Variants in TENM1 observed in about 807,000 individuals in gnomAD.
TENM1 encodes the protein teneurin transmembrane protein 1, also known as teneurin-1.
In TENM1, 35 loss-of-function variants were observed where a neutral mutation model predicts 174.8. The ratio of observed to expected loss-of-function variants is 0.20; its 90% confidence interval spans 0.15 to 0.27. TENM1 has a LOEUF of 0.27. Among genes scored for constraint, TENM1 ranks in the 10% least tolerant of loss-of-function variants. TENM1 has a pLI of 1.00. For synonymous variants in TENM1, 781 were observed against 798.7 expected (o/e 0.98, Z 0.37); for missense variants, 1,633 against 2,130.1 (o/e 0.77, Z 4.59).
intron 3 of TENM1, among the ~76,000 whole-genome samples, chrX:124,738,071 T>C (rs1033317205): frequency 3.6e-5 from 4 of 111,900 alleles, no homozygotes; most frequent in East Asian, 5.6e-4. Flanking sequence ...CCATGAGAAA[T>C]ACCTCAATTA....
At position 124,677,236 on chromosome X, in the gene TENM1, A is replaced by T. The variant is rs953625528; in HGVS notation, c.1016-5401T>A. Among the ~76,000 whole-genome samples the T allele has an allele frequency of 6.3e-5, 7 of 111,066 alleles. 1 individual carries two copies. The highest frequency in any genetic ancestry group is 1.1e-4 in the Non-Finnish European group (6 of 52,812). On this transcript the variant is annotated intron_variant, in intron 5 of 31. Transcript: ENST00000422452. ...GCAGTGATGATCTTGGACTACCTAC[A>T]TTTCACAAAGAGATATGATGTTTCT... is the stretch of plus-strand genomic sequence containing the variant.
intron 11 of TENM1, among the ~76,000 whole-genome samples, chrX:124,632,970 C>T (rs184994084): frequency 1.8e-5 from 2 of 111,982 alleles, no homozygotes; most frequent in African/African-American, 3.2e-5. Flanking sequence ...AGCCTTTCTA[C>T]TTTATCCTCC....
At chrX:125,051,902 C>A in the TENM1 span, among the ~76,000 whole-genome samples, 1 of 106,692 alleles carries the variant, frequency 9.4e-6, no homozygotes, top group African/African-American at 3.5e-5. Flanking sequence ...TCAGAGTGAA[C>A]AGGCAACCTA....
chrX:124,615,040 T>C (rs773653980), intron 11 of TENM1, among the ~76,000 whole-genome samples: 3 of 112,376 alleles, frequency 2.7e-5, no homozygotes, highest in South Asian at 3.7e-4. Flanking sequence ...CTAGAAGCCA[T>C]CTTCTCAACA....
At chrX:125,041,666 T>C in the TENM1 span, among the ~76,000 whole-genome samples, 1 of 112,205 alleles carries the variant, frequency 8.9e-6, no homozygotes, top group African/African-American at 3.2e-5. Flanking sequence ...AAGGAATAAA[T>C]GTGAGTGTAC....
chrX:124,384,415 A>G, exon 30 of TENM1: 2 of 1,210,982 alleles, frequency 1.7e-6, no homozygotes, highest in Non-Finnish European at 2.2e-6. Flanking sequence ...GGGTTTTGTC[A>G]TTTACAGAAA....
chrX:125,200,630 CGTGT>C, the TENM1 span, among the ~76,000 whole-genome samples: 7 of 92,284 alleles, frequency 7.6e-5, no homozygotes, highest in African/African-American at 1.7e-4. Flanking sequence ...CAATTGCTTC[CGTGT>C]GTGTGTGTGT....
At chrX:124,699,433 C>T (rs969675371) in intron 5 of TENM1, among the ~76,000 whole-genome samples, 5 of 110,781 alleles carry the variant, frequency 4.5e-5, no homozygotes, top group Non-Finnish European at 7.6e-5. Flanking sequence ...AGAGTGATTG[C>T]CTCTCCTTGA....
At chrX:124,565,534 G>A (rs749994501) in exon 12 of TENM1, 3 of 1,206,293 alleles carry the variant, frequency 2.5e-6, no homozygotes, top group East Asian at 3.0e-5. Context: ...CAGACTCCAT[G>A]GCTACCACAC....
At chrX:124,601,012 T>C (rs1183292376) in intron 11 of TENM1, among the ~76,000 whole-genome samples, 1 of 111,921 alleles carries the variant, frequency 8.9e-6, no homozygotes, top group Non-Finnish European at 1.9e-5. Flanking sequence ...TTTTAGGAAA[T>C]ACACAATAAA....
At chrX:124,575,046 T>C (rs759406039) in intron 11 of TENM1, among the ~76,000 whole-genome samples, 6 of 112,309 alleles carry the variant, frequency 5.3e-5, no homozygotes, top group Admixed American at 3.8e-4. Flanking sequence ...TGCATGCACA[T>C]GCACACATAT....
intron 3 of TENM1, among the ~76,000 whole-genome samples, chrX:124,883,947 CAGGTG>C (rs1434402767): frequency 1.8e-5 from 2 of 111,171 alleles, no homozygotes; most frequent in Admixed American, 9.5e-5. Context: ...GTGGTGCATG[CAGGTG>C]CTGACTGTGG....
At chrX:125,107,383 TCCA>T in the TENM1 span, among the ~76,000 whole-genome samples, 13 of 112,556 alleles carry the variant, frequency 1.2e-4, no homozygotes, top group African/African-American at 4.2e-4. Flanking sequence ...TCCCCCTGAC[TCCA>T]CCAAATTTTA....
At chrX:125,163,171 T>C in the TENM1 span, among the ~76,000 whole-genome samples, 7 of 111,470 alleles carry the variant, frequency 6.3e-5, no homozygotes, top group Non-Finnish European at 3.8e-5. Context: ...TGGACAGAAC[T>C]CAATAGTAGC....
At chrX:124,559,659 C>T (rs975076777) in intron 14 of TENM1, among the ~76,000 whole-genome samples, 4 of 110,227 alleles carry the variant, frequency 3.6e-5, no homozygotes, top group Non-Finnish European at 7.6e-5. Flanking sequence ...CAGAACAAGA[C>T]CCTGTCTCAA....
intron 3 of TENM1, among the ~76,000 whole-genome samples, chrX:124,882,318 ATG>A (rs975015425): frequency 3.6e-5 from 4 of 111,816 alleles, no homozygotes; most frequent in African/African-American, 1.3e-4. Context: ...GATAAGAAGA[ATG>A]TGTATTCTGT....
exon 32 of TENM1, chrX:124,375,999 A>G (rs1271737200): frequency 8.9e-6 from 1 of 112,847 alleles, no homozygotes; most frequent in African/African-American, 3.2e-5. Context: ...TATTTACAGC[A>G]TGTTGTTGTG....
At chrX:124,616,024 C>T (rs751258750) in intron 11 of TENM1, among the ~76,000 whole-genome samples, 67 of 112,938 alleles carry the variant, frequency 5.9e-4, no homozygotes, top group African/African-American at 2.1e-3. Context: ...ATCCTTGTCA[C>T]TATGATAAGG....
At chrX:125,123,629 T>C in the TENM1 span, among the ~76,000 whole-genome samples, 2,427 of 110,317 alleles carry the variant, frequency 0.022, 71 homozygotes, top group African/African-American at 0.075. Context: ...AACAAAATTT[T>C]ATGAATGTGT....
Sources: gnomAD v4.1 joint callset for allele counts (sites outside exome capture counted in the v4.1 genomes callset) on GRCh38, gnomAD v4.1.1 for gene constraint, MANE v1.5 for transcripts, NCBI Gene and HGNC (gene_info 2026-07-23, HGNC 2026-07-21) for gene names.